Variants in BLTP3B observed in about 807,000 individuals in gnomAD.
BLTP3B encodes UHRF1 (ICBP90) binding protein 1-like.
chr12:100,137,083 T>C, the BLTP3B span, among the ~76,000 whole-genome samples: 1 of 152,234 alleles, frequency 6.6e-6, no homozygotes, highest in Admixed American at 6.5e-5. Context: ...AGTGGTAGGA[T>C]TATAGGCATA....
the BLTP3B span, among the ~76,000 whole-genome samples, chr12:100,124,966 A>ATATATATATATATATT: frequency 1.0e-5 from 1 of 97,688 alleles, no homozygotes; most frequent in Non-Finnish European, 2.1e-5. Flanking sequence ...ATATATATAT[A>ATATATATATATATATT]TATATATATA....
the BLTP3B span, among the ~76,000 whole-genome samples, chr12:100,141,445 GTA>G: frequency 7.9e-6 from 1 of 126,120 alleles, no homozygotes. Context: ...GTATATATAT[GTA>G]CACACACACA....
the BLTP3B span, among the ~76,000 whole-genome samples, chr12:100,099,235 C>A: frequency 2.0e-5 from 3 of 151,848 alleles, no homozygotes; most frequent in Non-Finnish European, 4.4e-5. Flanking sequence ...CTCAGATGAT[C>A]TGCCCACCTT....
chr12:100,055,906 C>T, the BLTP3B span, among the ~76,000 whole-genome samples: 3 of 152,038 alleles, frequency 2.0e-5, no homozygotes, highest in East Asian at 5.8e-4. Context: ...ACTTTGGATT[C>T]GTTATTTAAC....
chr12:100,113,598 A>AT, the BLTP3B span, among the ~76,000 whole-genome samples: 1 of 152,202 alleles, frequency 6.6e-6, no homozygotes, highest in East Asian at 1.9e-4. Context: ...TTAACTCAGA[A>AT]CATGTAAAAT....
At chr12:100,057,597 C>T in the BLTP3B span, 2 of 1,610,444 alleles carry the variant, frequency 1.2e-6, no homozygotes, top group Non-Finnish European at 8.5e-7. Context: ...ATGGCTATCA[C>T]TTCCATCACT....
At chr12:100,131,633 G>A in the BLTP3B span, among the ~76,000 whole-genome samples, 1 of 152,196 alleles carries the variant, frequency 6.6e-6, no homozygotes, top group East Asian at 1.9e-4. Flanking sequence ...TATAATGTCT[G>A]AAAAACCAAA....
At chr12:100,098,344 A>T in the BLTP3B span, 10 of 1,559,062 alleles carry the variant, frequency 6.4e-6, no homozygotes, top group Admixed American at 2.1e-5. Context: ...GAAAGAAAAA[A>T]ATGTTACCTC....
chr12:100,101,264 C>T, the BLTP3B span, among the ~76,000 whole-genome samples: 1 of 152,270 alleles, frequency 6.6e-6, no homozygotes, highest in Admixed American at 6.5e-5. Flanking sequence ...CTTTAGTCAA[C>T]TCTTAGAAGT....
chr12:100,117,341 T>A, the BLTP3B span, among the ~76,000 whole-genome samples: 2 of 152,172 alleles, frequency 1.3e-5, no homozygotes, highest in African/African-American at 4.8e-5. Flanking sequence ...TACCCCTGAT[T>A]TGACATAATA....
chr12:100,040,388 C>T, the BLTP3B span, among the ~76,000 whole-genome samples: 1 of 151,732 alleles, frequency 6.6e-6, no homozygotes, highest in Non-Finnish European at 1.5e-5. Flanking sequence ...ATACAAAAAA[C>T]TATGTAACTT....
the BLTP3B span, among the ~76,000 whole-genome samples, chr12:100,140,820 G>C: frequency 6.8e-6 from 1 of 146,166 alleles, no homozygotes; most frequent in East Asian, 2.0e-4. Context: ...ATCTCATGCA[G>C]TAAGCCATTA....
At chr12:100,102,498 T>TATATAATGCCTAA in the BLTP3B span, among the ~76,000 whole-genome samples, 1 of 152,192 alleles carries the variant, frequency 6.6e-6, no homozygotes, top group Non-Finnish European at 1.5e-5. Context: ...CTATCTGATT[T>TATATAATGCCTAA]ATATAATGCC....
chr12:100,141,019 T>C, the BLTP3B span, among the ~76,000 whole-genome samples: 94 of 151,978 alleles, frequency 6.2e-4, no homozygotes, highest in African/African-American at 2.1e-3. Context: ...AGTGAGAAAG[T>C]AGGCATTCAA....
At chr12:100,080,343 C>A in the BLTP3B span, among the ~76,000 whole-genome samples, 1 of 148,528 alleles carries the variant, frequency 6.7e-6, no homozygotes, top group African/African-American at 2.6e-5. Flanking sequence ...ACCATGGAAC[C>A]CATCTCTTTT....
chr12:100,121,021 AG>A, the BLTP3B span, among the ~76,000 whole-genome samples: 2 of 152,236 alleles, frequency 1.3e-5, no homozygotes, highest in Admixed American at 6.5e-5. Flanking sequence ...GAAAGAAGCC[AG>A]GAAAAAATGC....
the BLTP3B span, among the ~76,000 whole-genome samples, chr12:100,140,523 T>C: frequency 6.6e-6 from 1 of 150,586 alleles, no homozygotes; most frequent in Non-Finnish European, 1.5e-5. Context: ...CTAACCACCA[T>C]GGAAAAACCC....
chr12:100,049,048 A>G, the BLTP3B span, among the ~76,000 whole-genome samples: 2 of 152,096 alleles, frequency 1.3e-5, no homozygotes, highest in Admixed American at 1.3e-4. Flanking sequence ...GGTAAGAGGC[A>G]ATATGCACAT....
the BLTP3B span, chr12:100,108,562 C>T: frequency 6.3e-7 from 1 of 1,592,524 alleles, no homozygotes; most frequent in Non-Finnish European, 8.5e-7. Context: ...AAAGAGAATA[C>T]ACATTGACAT....
Sources: gnomAD v4.1 joint callset for allele counts (sites outside exome capture counted in the v4.1 genomes callset) on GRCh38, gnomAD v4.1.1 for gene constraint, MANE v1.5 for transcripts, NCBI Gene and HGNC (gene_info 2026-07-23, HGNC 2026-07-21) for gene names.